LMBRD1: variants seen among roughly 807,000 people sequenced by gnomAD.
LMBRD1 encodes lysosomal cobalamin transport escort protein LMBD1.
LMBRD1 carries 64 observed loss-of-function variants against 74.8 expected under a neutral mutation model. That is an observed-to-expected ratio of 0.86 (90% CI 0.70 to 1.05). LMBRD1 has a LOEUF of 1.05. Ranked by LOEUF, LMBRD1 falls within the 50% of genes least tolerant of loss-of-function variation. The probability of loss-of-function intolerance (pLI) is 0.00; values close to 1 mark genes in which losing one functional copy is unlikely to be tolerated. For missense variants in LMBRD1, 652 were observed against 645.9 expected (o/e 1.01, Z -0.10); for synonymous variants, 204 against 216.3 (o/e 0.94, Z 0.50).
chr6:69,745,290 C>A (rs1225540878), intron 5 of LMBRD1, among the ~76,000 whole-genome samples: 1 of 141,428 alleles, frequency 7.1e-6, no homozygotes, highest in East Asian at 2.1e-4. Context: ...CTCGCTCTGT[C>A]GCCCAGGTCG....
At chr6:69,728,258 C>T (rs1223509446) in intron 7 of LMBRD1, among the ~76,000 whole-genome samples, 1 of 152,124 alleles carries the variant, frequency 6.6e-6, no homozygotes, top group African/African-American at 2.4e-5. Context: ...GAGGATGGTG[C>T]TAAACCATTA....
At chr6:69,705,181 G>A in intron 9 of LMBRD1, 1 of 517,030 alleles carries the variant, frequency 1.9e-6, no homozygotes, top group South Asian at 1.9e-5. Context: ...ATCAAACATG[G>A]TAGGGAAAGT....
intron 4 of LMBRD1, among the ~76,000 whole-genome samples, chr6:69,749,682 T>C (rs932155356): frequency 6.6e-6 from 1 of 151,702 alleles, no homozygotes; most frequent in African/African-American, 2.4e-5. Context: ...TAGGCATCTT[T>C]AGTAAAATTA....
At chr6:69,684,777 C>A (rs1765729465) in intron 14 of LMBRD1, among the ~76,000 whole-genome samples, 1 of 151,850 alleles carries the variant, frequency 6.6e-6, no homozygotes, top group African/African-American at 2.4e-5. Context: ...AGAATTAATC[C>A]AAATAAAAAC....
intron 8 of LMBRD1, among the ~76,000 whole-genome samples, chr6:69,715,939 G>C (rs1401897742): frequency 6.6e-6 from 1 of 152,066 alleles, no homozygotes; most frequent in African/African-American, 2.4e-5. Flanking sequence ...GTCCCTGCAA[G>C]GGACATGATC....
At chr6:69,687,544 T>G (rs1341805389) in intron 14 of LMBRD1, among the ~76,000 whole-genome samples, 2 of 152,174 alleles carry the variant, frequency 1.3e-5, no homozygotes, top group African/African-American at 2.4e-5. Flanking sequence ...AAATGACCTA[T>G]GTAATACTGG....
intron 7 of LMBRD1, among the ~76,000 whole-genome samples, chr6:69,719,436 C>A (rs1766567454): frequency 1.3e-5 from 2 of 151,912 alleles, no homozygotes; most frequent in South Asian, 4.1e-4. Flanking sequence ...CTATAAAAAA[C>A]AATTTTCTCC....
intron 7 of LMBRD1, among the ~76,000 whole-genome samples, chr6:69,737,188 T>C (rs558993822): frequency 6.6e-6 from 1 of 152,260 alleles, no homozygotes; most frequent in Admixed American, 6.5e-5. Flanking sequence ...TTTGCAAGAA[T>C]TAAGAGTGCT....
At chr6:69,761,803 T>TCCCA (rs58836873) in intron 3 of LMBRD1, among the ~76,000 whole-genome samples, 150,516 of 152,222 alleles carry the variant, frequency 0.99, 74,422 homozygotes, top group East Asian at 1. Flanking sequence ...TAATCCCCAA[T>TCCCA]CCCCTAGCTT....
chr6:69,763,689 G>A (rs560813829), intron 3 of LMBRD1, among the ~76,000 whole-genome samples: 2 of 152,306 alleles, frequency 1.3e-5, no homozygotes, highest in Admixed American at 6.5e-5. Flanking sequence ...ACCCATCAGA[G>A]CCTTGAGGTT....
chr6:69,748,716 T>TA (rs1351847159), intron 5 of LMBRD1, among the ~76,000 whole-genome samples: 1 of 151,990 alleles, frequency 6.6e-6, no homozygotes, highest in African/African-American at 2.4e-5. Context: ...TTAACAAAGA[T>TA]AAATGTCTTC....
intron 3 of LMBRD1, among the ~76,000 whole-genome samples, chr6:69,774,488 G>A (rs6933298): frequency 0.018 from 2,801 of 152,042 alleles, 53 homozygotes; most frequent in African/African-American, 0.056. Flanking sequence ...ATTTACCCCC[G>A]CCTTTCATTA....
At chr6:69,752,642 A>T (rs1048435262) in intron 3 of LMBRD1, among the ~76,000 whole-genome samples, 2 of 152,232 alleles carry the variant, frequency 1.3e-5, no homozygotes, top group African/African-American at 4.8e-5. Flanking sequence ...CAGCTGACAT[A>T]TGAGCTCTTA....
intron 2 of LMBRD1, among the ~76,000 whole-genome samples, chr6:69,785,993 C>A (rs1765935728): frequency 6.6e-6 from 1 of 152,154 alleles, no homozygotes; most frequent in African/African-American, 2.4e-5. Flanking sequence ...AGCAGTTTTG[C>A]CTTCCTATCC....
chr6:69,768,087 T>C (rs13191460), intron 3 of LMBRD1, among the ~76,000 whole-genome samples: 7,739 of 151,998 alleles, frequency 0.051, 240 homozygotes, highest in Middle Eastern at 0.071. Context: ...TCTAAGGTGT[T>C]TCTCTTATAG....
intron 9 of LMBRD1, among the ~76,000 whole-genome samples, chr6:69,702,730 A>G (rs1471931911): frequency 1.3e-5 from 2 of 152,102 alleles, no homozygotes; most frequent in South Asian, 2.1e-4. Context: ...ACTGGGCTAA[A>G]GAGTTGTCAA....
chr6:69,692,702 A>G (rs1765916744), intron 14 of LMBRD1, among the ~76,000 whole-genome samples: 1 of 152,128 alleles, frequency 6.6e-6, no homozygotes, highest in Admixed American at 6.5e-5. Flanking sequence ...GTCCACAGAA[A>G]GGTTATACTG....
At chr6:69,738,128 C>T in intron 6 of LMBRD1, 113 bp from the exon 7 acceptor site, 1 of 772,774 alleles carries the variant, frequency 1.3e-6, no homozygotes, top group Non-Finnish European at 2.2e-6. Context: ...AAATAAAAAC[C>T]AATATGTATT....
At chr6:69,735,057 A>T (rs1766945069) in intron 7 of LMBRD1, among the ~76,000 whole-genome samples, 1 of 152,250 alleles carries the variant, frequency 6.6e-6, no homozygotes, top group Non-Finnish European at 1.5e-5. Context: ...AATTATTGTT[A>T]TGCACTTGTA....
Sources: gnomAD v4.1 joint callset for allele counts (sites outside exome capture counted in the v4.1 genomes callset) on GRCh38, gnomAD v4.1.1 for gene constraint, MANE v1.5 for transcripts, NCBI Gene and HGNC (gene_info 2026-07-23, HGNC 2026-07-21) for gene names.